PCDH15: variants seen among roughly 807,000 people sequenced by gnomAD.
PCDH15 encodes the protein protocadherin-15.
PCDH15 carries 129 observed loss-of-function variants against 178.5 expected under a neutral mutation model. That is an observed-to-expected ratio of 0.72 (90% confidence interval 0.63 to 0.84). PCDH15 has a LOEUF of 0.84. Among genes scored for constraint, PCDH15 ranks in the 40% least tolerant of loss-of-function variants. The pLI, the probability that PCDH15 is intolerant of heterozygous loss-of-function variation, is 0.00. For missense variants in PCDH15, 2,230 were observed against 2,099.9 expected (o/e 1.06, Z -1.21); for synonymous variants, 800 against 732.0 (o/e 1.09, Z -1.50).
intron 2 of PCDH15, among the ~76,000 whole-genome samples, chr10:55,134,228 A>C (rs1838132079): frequency 6.6e-6 from 1 of 152,070 alleles, no homozygotes; most frequent in Non-Finnish European, 1.5e-5. Context: ...TTCATTTTTC[A>C]ACCTTGAAAC....
chr10:55,461,477 G>A (rs1316544810), intron 2 of PCDH15, among the ~76,000 whole-genome samples: 1 of 152,014 alleles, frequency 6.6e-6, no homozygotes, highest in African/African-American at 2.4e-5. Context: ...ATTTTTGGGG[G>A]GAAAACATTT....
Position 54,226,682 on chromosome 10 carries a change from C to T in PCDH15, c.985+10141G>A, listed in dbSNP as rs548178135. ...ATTTCAGCATTAACTCAAAAGTCCA[C>T]AGTCCAAAGTCTCACCAGAGACAAG... On this transcript the variant is annotated intron_variant, in intron 9 of 37. Transcript: ENST00000644397. Among the ~76,000 whole-genome samples, 377 of 152,310 alleles carry T rather than the reference C, an allele frequency of 2.5e-3. 6 individuals are homozygous for T. Among genetic ancestry groups the T allele is most frequent in the Non-Finnish European group, 2.7e-3 (181 of 68,024 alleles).
At chr10:54,509,658 A>G (rs1234982153) in intron 3 of PCDH15, among the ~76,000 whole-genome samples, 1 of 152,076 alleles carries the variant, frequency 6.6e-6, no homozygotes, top group Non-Finnish European at 1.5e-5. Flanking sequence ...AGGCCTCCAC[A>G]GGTTTCTTTG....
At chr10:55,414,770 G>GGTGTGT (rs71014486) in intron 2 of PCDH15, among the ~76,000 whole-genome samples, 183 of 146,970 alleles carry the variant, frequency 1.2e-3, no homozygotes, top group African/African-American at 4.2e-3. Context: ...TCTAACAAGG[G>GGTGTGT]GTGTGTGTGT....
intron 25 of PCDH15, among the ~76,000 whole-genome samples, chr10:53,925,254 C>T (rs1414668955): frequency 6.6e-6 from 1 of 152,094 alleles, no homozygotes; most frequent in African/African-American, 2.4e-5. Context: ...GCCAGCGAGA[C>T]CACGAACCCA....
At chr10:55,434,182 G>A (rs1300018090) in intron 2 of PCDH15, among the ~76,000 whole-genome samples, 1 of 133,744 alleles carries the variant, frequency 7.5e-6, no homozygotes, top group African/African-American at 2.8e-5. Context: ...CCGGGTTCAC[G>A]CCATTCTCCT....
chr10:55,039,302 A>G (rs987544092), intron 2 of PCDH15, among the ~76,000 whole-genome samples: 4 of 152,182 alleles, frequency 2.6e-5, no homozygotes, highest in Admixed American at 1.3e-4. Context: ...ACTAAAACAA[A>G]AAAAGACATG....
At chr10:54,279,129 T>A (rs1023017881) in intron 8 of PCDH15, among the ~76,000 whole-genome samples, 2 of 151,498 alleles carry the variant, frequency 1.3e-5, no homozygotes, top group African/African-American at 4.8e-5. Context: ...TTGATTTTAA[T>A]GAAAAATATC....
At chr10:54,178,381 G>A (rs937425412) in intron 13 of PCDH15, among the ~76,000 whole-genome samples, 2 of 152,120 alleles carry the variant, frequency 1.3e-5, no homozygotes, top group Admixed American at 6.5e-5. Context: ...AAAATAATCA[G>A]AGTGGGATAG....
chr10:54,261,318 C>G (rs866560521), intron 8 of PCDH15, among the ~76,000 whole-genome samples: 2 of 151,770 alleles, frequency 1.3e-5, no homozygotes, highest in African/African-American at 4.8e-5. Context: ...GGATAAATGA[C>G]AGATTTTGGA....
At chr10:55,138,779 C>T (rs1399190675) in intron 2 of PCDH15, among the ~76,000 whole-genome samples, 1 of 152,070 alleles carries the variant, frequency 6.6e-6, no homozygotes. Context: ...CTCCCTCCTC[C>T]CTATACCATC....
At chr10:54,433,099 GA>G (rs1156897389) in intron 3 of PCDH15, among the ~76,000 whole-genome samples, 1 of 152,102 alleles carries the variant, frequency 6.6e-6, no homozygotes, top group Non-Finnish European at 1.5e-5. Context: ...GGAGAAAAGG[GA>G]ATCCTCTTAC....
intron 1 of PCDH15, among the ~76,000 whole-genome samples, chr10:55,247,258 C>T (rs560960189): frequency 1.3e-5 from 2 of 152,226 alleles, no homozygotes; most frequent in East Asian, 3.9e-4. Context: ...ATAGGTAGTT[C>T]TAGTTTTCAT....
intron 1 of PCDH15, among the ~76,000 whole-genome samples, chr10:54,716,070 C>A (rs1360529088): frequency 6.6e-6 from 1 of 152,158 alleles, no homozygotes; most frequent in Non-Finnish European, 1.5e-5. Flanking sequence ...CTAGGCACAT[C>A]TCCTGGTTCT....
chr10:55,585,887 T>C (rs1378589926), intron 2 of PCDH15, among the ~76,000 whole-genome samples: 1 of 152,116 alleles, frequency 6.6e-6, no homozygotes, highest in African/African-American at 2.4e-5. Flanking sequence ...ACTACTGTTC[T>C]GCCAGGCAAT....
At chr10:55,522,096 A>G (rs1445846222) in intron 2 of PCDH15, among the ~76,000 whole-genome samples, 1 of 151,906 alleles carries the variant, frequency 6.6e-6, no homozygotes, top group Non-Finnish European at 1.5e-5. Flanking sequence ...TGGTACTTCT[A>G]TTTTTAATTT....
intron 2 of PCDH15, among the ~76,000 whole-genome samples, chr10:54,597,774 T>C (rs1423607670): frequency 6.6e-6 from 1 of 151,836 alleles, no homozygotes; most frequent in Non-Finnish European, 1.5e-5. Flanking sequence ...AAGATCCAAA[T>C]AAACAGAATC....
intron 8 of PCDH15, among the ~76,000 whole-genome samples, chr10:54,317,022 AAAAAT>A (rs1417851580): frequency 7.9e-5 from 12 of 152,276 alleles, no homozygotes; most frequent in African/African-American, 1.2e-4. Context: ...TTATTGGTAA[AAAAAT>A]AAAATAAAAT....
Position 54,066,743 on chromosome 10 carries a change from A to G in PCDH15, c.2220+14T>C. The stretch of plus-strand genomic sequence containing the variant: ...AAAAACTACATATAAGATCTATATA[A>G]ATATTCCACTTACTTTTACTTGACC... On this transcript the variant is annotated intron_variant, in intron 18 of 37. Transcript: ENST00000644397. 6.2e-7 allele frequency: 1 copy of G among 1,611,548 alleles called. No individual in the cohort carries two copies. Among genetic ancestry groups the G allele is most frequent in the Non-Finnish European group, 8.5e-7 (1 of 1,178,112 alleles).
Sources: gnomAD v4.1 joint callset for allele counts (sites outside exome capture counted in the v4.1 genomes callset) on GRCh38, gnomAD v4.1.1 for gene constraint, MANE v1.5 for transcripts, NCBI Gene and HGNC (gene_info 2026-07-23, HGNC 2026-07-21) for gene names.